FILIP1L: variants seen among roughly 807,000 people sequenced by gnomAD.
FILIP1L encodes the protein filamin A interacting protein 1 like.
In FILIP1L, 55 loss-of-function variants were observed where a neutral mutation model predicts 96.6. The ratio of observed to expected loss-of-function variants is 0.57; its 90% confidence interval spans 0.46 to 0.71. The LOEUF is 0.71. FILIP1L is among the 30% of genes least tolerant of loss of function. The pLI is 0.00. For synonymous variants in FILIP1L, 467 were observed against 473.9 expected (o/e 0.99, Z 0.19); for missense variants, 1,304 against 1,321.2 (o/e 0.99, Z 0.20).
chr3:100,064,529 T>C (rs1328948528), intron 1 of FILIP1L, among the ~76,000 whole-genome samples: 2 of 152,198 alleles, frequency 1.3e-5, no homozygotes, highest in Non-Finnish European at 2.9e-5. Flanking sequence ...TCATTCTTTA[T>C]GTTTTGACAA....
chr3:100,024,698 A>G (rs1338858513), intron 1 of FILIP1L, among the ~76,000 whole-genome samples: 1 of 152,176 alleles, frequency 6.6e-6, no homozygotes, highest in African/African-American at 2.4e-5. Flanking sequence ...AGCCTCTCTT[A>G]TTCAGCATGT....
intron 1 of FILIP1L, among the ~76,000 whole-genome samples, chr3:99,989,962 A>G (rs1195381091): frequency 6.6e-6 from 1 of 152,188 alleles, no homozygotes; most frequent in African/African-American, 2.4e-5. Context: ...AGAGAGAGTT[A>G]TACCCACCCA....
At chr3:99,902,441 G>A (rs1706467298) in intron 4 of FILIP1L, among the ~76,000 whole-genome samples, 1 of 152,172 alleles carries the variant, frequency 6.6e-6, no homozygotes, top group African/African-American at 2.4e-5. Flanking sequence ...ATGAAAAAAG[G>A]TAGTGAAAAT....
intron 1 of FILIP1L, among the ~76,000 whole-genome samples, chr3:99,932,639 C>T (rs1707520723): frequency 6.6e-6 from 1 of 152,120 alleles, no homozygotes. Context: ...CCTGTAATGC[C>T]AACACTTTGG....
At chr3:100,041,440 T>C (rs1412208375) in intron 1 of FILIP1L, 2 of 152,208 alleles carry the variant, frequency 1.3e-5, no homozygotes, top group Non-Finnish European at 2.9e-5. Context: ...TTTTTCTTTA[T>C]GTGCATCCCT....
intron 1 of FILIP1L, among the ~76,000 whole-genome samples, chr3:100,086,644 A>C (rs902524411): frequency 6.6e-6 from 1 of 152,242 alleles, no homozygotes; most frequent in Admixed American, 6.5e-5. Flanking sequence ...TTTAGTGTAG[A>C]GCCTCTTTAA....
chr3:99,844,855 G>A (rs1479221672), intron 5 of FILIP1L, among the ~76,000 whole-genome samples: 3 of 152,072 alleles, frequency 2.0e-5, no homozygotes, highest in East Asian at 1.9e-4. Flanking sequence ...GCACTCTCTC[G>A]CTCTCTTGCT....
chr3:99,879,772 G>A (rs1372797979), intron 4 of FILIP1L, among the ~76,000 whole-genome samples: 1 of 152,094 alleles, frequency 6.6e-6, no homozygotes, highest in African/African-American at 2.4e-5. Flanking sequence ...TAGTATATAT[G>A]GAAACACTGT....
At chr3:100,076,453 G>C (rs2065852190) in intron 1 of FILIP1L, among the ~76,000 whole-genome samples, 2 of 152,172 alleles carry the variant, frequency 1.3e-5, no homozygotes, top group South Asian at 4.1e-4. Flanking sequence ...CCCCTCTGAT[G>C]GACAGCTTCA....
At chr3:99,991,178 C>A (rs539964252) in intron 1 of FILIP1L, among the ~76,000 whole-genome samples, 1 of 152,208 alleles carries the variant, frequency 6.6e-6, no homozygotes, top group South Asian at 2.1e-4. Flanking sequence ...GTAGAAAATT[C>A]CCACTAATTT....
chr3:99,896,688 T>C (rs1385076727), intron 4 of FILIP1L, among the ~76,000 whole-genome samples: 1 of 152,196 alleles, frequency 6.6e-6, no homozygotes, highest in South Asian at 2.1e-4. Flanking sequence ...AATTCTACAA[T>C]GATAGTGTTG....
intron 1 of FILIP1L, among the ~76,000 whole-genome samples, chr3:99,963,492 C>A: frequency 6.6e-6 from 1 of 152,022 alleles, no homozygotes; most frequent in South Asian, 2.1e-4. Flanking sequence ...GGAGCAACTG[C>A]TTGAAAGTAT....
intron 4 of FILIP1L, among the ~76,000 whole-genome samples, chr3:99,879,084 A>C (rs1384062): frequency 0.42 from 64,432 of 152,046 alleles, 13,852 homozygotes; most frequent in African/African-American, 0.48. Context: ...TCAGGAATTT[A>C]CTACAAATAA....
At chr3:99,953,470 G>A (rs1420956971) in intron 1 of FILIP1L, among the ~76,000 whole-genome samples, 1 of 152,160 alleles carries the variant, frequency 6.6e-6, no homozygotes, top group African/African-American at 2.4e-5. Context: ...CTGGACTGGA[G>A]TTGTATAATT....
chr3:100,068,350 C>CTGTGTGTGTGTG (rs62958661), intron 1 of FILIP1L, among the ~76,000 whole-genome samples: 6 of 149,516 alleles, frequency 4.0e-5, no homozygotes, highest in East Asian at 4.0e-4. Context: ...GAAAGAGCCT[C>CTGTGTGTGTGTG]TGTGTGTGTG....
In FILIP1L at chr3:100,005,797, A is replaced by G. The variant is rs540512245; in HGVS notation, c.-10-74767T>C. 3.3e-5 allele frequency among the ~76,000 whole-genome samples: 5 copies of G among 152,302 alleles called. No individual in the cohort carries two copies. The South Asian group carries it at 6.2e-4, about 19-fold the overall frequency. On this transcript the variant is annotated intron_variant, in intron 1 of 5. Transcript: ENST00000477258. ...AGTTTGTGTGTTTTGTGGAATTTCT[A>G]TTATTGCCCAAGAGAGGAAAGAACT...
At chr3:99,853,889 T>C (rs1000701177) in intron 4 of FILIP1L, among the ~76,000 whole-genome samples, 1 of 152,118 alleles carries the variant, frequency 6.6e-6, no homozygotes, top group Non-Finnish European at 1.5e-5. Context: ...AGCCATCAAC[T>C]TGGGAGCTCA....
chr3:100,004,655 G>A (rs1428864775), intron 1 of FILIP1L, among the ~76,000 whole-genome samples: 1 of 152,184 alleles, frequency 6.6e-6, no homozygotes, highest in South Asian at 2.1e-4. Context: ...AAAAGAGGAC[G>A]GCTTCATGAA....
intron 1 of FILIP1L, among the ~76,000 whole-genome samples, chr3:99,989,981 A>G (rs977151524): frequency 1.3e-5 from 2 of 152,106 alleles, no homozygotes; most frequent in Admixed American, 6.6e-5. Flanking sequence ...CAAAGCAATA[A>G]TGCCAGTGGT....
Sources: allele counts gnomAD v4.1 joint callset (sites outside exome capture counted in the v4.1 genomes callset), GRCh38; gene constraint gnomAD v4.1.1; transcripts MANE v1.5; gene names NCBI Gene and HGNC (gene_info 2026-07-23, HGNC 2026-07-21).